Variants in VPS51 observed in about 807,000 individuals in gnomAD.
VPS51 encodes VPS51 subunit of GARP complex, also known as vacuolar protein sorting-associated protein 51 homolog.
In VPS51, 55 loss-of-function variants were observed where a neutral mutation model predicts 65.1. The ratio of observed to expected loss-of-function variants is 0.84; its 90% CI spans 0.68 to 1.06. VPS51 has a LOEUF of 1.06. Ranked by LOEUF, VPS51 falls within the 50% of genes least tolerant of loss-of-function variation. VPS51 has a pLI of 0.00. For synonymous variants in VPS51, 473 were observed against 489.5 expected (o/e 0.97, Z 0.44); for missense variants, 943 against 1,101.6 (o/e 0.86, Z 2.04).
chr11:65,107,951 G>C lies in VPS51; in HGVS notation c.654G>C (p.Ser218=), dbSNP rs370039927. 133 of 1,567,232 alleles carry C rather than the reference G, an allele frequency of 8.5e-5. No homozygotes were observed. The highest frequency in any genetic ancestry group is 5.2e-4 in the Middle Eastern group (3 of 5,782). ...AVLQQYQHLP[S]FRAIQDDCQV... is the part of the protein sequence containing the mutation. Reference sequence around the variant, plus strand: ...TGCAGCAGTACCAACACCTGCCCTCGTTCCGCGCCATCCAGGACGACTGCC... The same window carrying C: ...TGCAGCAGTACCAACACCTGCCCTCCTTCCGCGCCATCCAGGACGACTGCC... The change falls in exon 4 of 10, where the codon TCG becomes TCC. Residue 218 remains serine, a synonymous_variant. Transcript: ENST00000279281. This position sits in a 1 kb window ranked among gnomAD's most constrained non-coding sequence, Gnocchi z 4.0.
intron 2 of VPS51, among the ~76,000 whole-genome samples, chr11:65,104,796 A>G (rs1947830906): frequency 6.6e-6 from 1 of 152,156 alleles, no homozygotes; most frequent in Non-Finnish European, 1.5e-5. Flanking sequence ...CTGCTGGGGC[A>G]GTGTTTACAC....
At chr11:65,103,658 A>G (rs1947823640) in intron 2 of VPS51, among the ~76,000 whole-genome samples, 1 of 152,110 alleles carries the variant, frequency 6.6e-6, no homozygotes, top group Admixed American at 6.6e-5. Flanking sequence ...CAAGTGGGGT[A>G]GATTCCCAGT....
At chr11:65,108,982 G>A (rs1352332579) in intron 5 of VPS51, 68 bp downstream of exon 5, 2 of 1,559,408 alleles carry the variant, frequency 1.3e-6, no homozygotes, top group Non-Finnish European at 1.8e-6. Context: ...TTATGCCAGT[G>A]CTTGGGAAAC....
At chr11:65,106,090 C>T (rs977287730) in intron 2 of VPS51, among the ~76,000 whole-genome samples, 2 of 152,208 alleles carry the variant, frequency 1.3e-5, no homozygotes, top group African/African-American at 2.4e-5. Context: ...TTATCCTCTT[C>T]GCCTTTCTTT....
rs1170349982 is a variant in VPS51, at chr11:65,110,427, GGCT to G, written c.1879-53_1879-51del. ...ACTTAGGGCATCCTCAGCACCGATG[GGCT>G]GGTGGTTTCCCCTGACTCGGGCCTC... On this transcript the variant is annotated intron_variant, in intron 7 of 9. Transcript: ENST00000279281. 6 of 1,612,784 alleles carry G rather than the reference GGCT, an allele frequency of 3.7e-6. No homozygotes were observed. In the African/African-American group the frequency reaches 4.0e-5, roughly 11 times the overall value.
Position 65,097,073 on chromosome 11 carries a change from A to G in VPS51, c.304A>G (p.Ser102Gly). Residue 102 changes from serine to glycine, a missense_variant, in exon 2 of 10, where the codon AGC (serine) becomes GGC (glycine). Ser to Gly is a moderately conservative substitution (Grantham distance 56). This residue lies in a region of VPS51 where 855 missense variants were observed against 953.7 expected (regional missense o/e 0.90). Coordinates refer to ENST00000279281, the MANE Select transcript of VPS51 (RefSeq NM_013265.4). ...DMVRQIRALD[S>G]DMQTLVYENY... The stretch of plus-strand genomic sequence containing the variant: ...GGTGCGGCAGATCCGGGCTCTAGAC[A>G]GCGACATGCAGACCCTGGTCTATGA... 3.7e-6 allele frequency: 6 copies of G among 1,614,018 alleles called. No individual in the cohort carries two copies. Among genetic ancestry groups the G allele is most frequent in the African/African-American group, 2.7e-5 (2 of 75,056 alleles).
rs765807256 is a variant in VPS51 at position 65,096,270 on chromosome 11, C to G, written c.20C>G (p.Ala7Gly). The stretch of plus-strand genomic sequence containing the variant: ...GGAACGATGGCGGCGGCAGCTGCCG[C>G]CGGGCCTAGCCCGGGGTCTGGACCT... MAAAAA[A>G]GPSPGSGPGD... The change falls in exon 1 of 10, where the codon GCC becomes GGC. Residue 7 changes from alanine (A) to glycine (G), a missense_variant. By Grantham distance (60) the Ala-to-Gly change is moderately conservative (BLOSUM62 0). This residue lies in a region of VPS51 where 855 missense variants were observed against 953.7 expected (regional missense o/e 0.90). Coordinates refer to ENST00000279281, the MANE Select transcript of VPS51 (RefSeq NM_013265.4). The G allele has an allele frequency of 6.6e-7, 1 of 1,517,664 alleles. No individual in the cohort carries two copies. Among genetic ancestry groups the G allele is most frequent in the African/African-American group, 1.4e-5 (1 of 70,024 alleles). 94.0% of individuals were successfully genotyped at this position (1,517,664 alleles called of 1,614,324 possible).
In VPS51 at chr11:65,098,768, A is replaced by T. The variant is rs146878323; in HGVS notation, c.358+1641A>T. On this transcript the variant is annotated intron_variant, in intron 2 of 9. Coordinates refer to ENST00000279281, the MANE Select transcript of VPS51 (RefSeq NM_013265.4). ...ATATTTCTCACAGGAATTTAATAAG[A>T]TTACATTTTCCATTTGTTGGAATGT... Among the ~76,000 whole-genome samples, 42 of 152,336 alleles carry T rather than the reference A, an allele frequency of 2.8e-4. No homozygotes were observed. In the East Asian group the frequency reaches 7.9e-3, roughly 29 times the overall value.
Position 65,096,389 on chromosome 11 carries a change from G to A in VPS51, c.139G>A (p.Glu47Lys), listed in dbSNP as rs765753742. 2 of 1,533,090 alleles carry A rather than the reference G, an allele frequency of 1.3e-6. No individual in the cohort carries two copies. Among genetic ancestry groups the A allele is most frequent in the South Asian group, 1.2e-5 (1 of 81,240 alleles). 95.0% of individuals were successfully genotyped at this position (1,533,090 alleles called of 1,614,324 possible). A position where few individuals can be genotyped will look rare whatever the true frequency, so the allele number is the denominator to read the frequency against. ...LKLYYGLSEG[E>K]AAGRPAGPDP... Reference sequence around the variant, plus strand: ...GCTTTACTACGGCCTCTCGGAAGGGGAGGCGGCGGGACGCCCCGCGGGGCC... The same window carrying A: ...GCTTTACTACGGCCTCTCGGAAGGGAAGGCGGCGGGACGCCCCGCGGGGCC... The change falls in exon 1 of 10, where the codon GAG becomes AAG. Residue 47 changes from glutamate (E) to lysine (K), a missense_variant. Transcript: ENST00000279281.
intron 5 of VPS51, 98 bp from the exon 6 acceptor site, chr11:65,109,182 C>T: frequency 7.6e-7 from 1 of 1,321,482 alleles, no homozygotes. Context: ...CTGTCCCTTG[C>T]AGAGGGGGCT....
chr11:65,096,882 G>A, intron 1 of VPS51, 116 bp from the exon 2 acceptor site: 4 of 1,455,676 alleles, frequency 2.7e-6, no homozygotes, highest in Non-Finnish European at 3.7e-6. Flanking sequence ...GCCGGCGGGG[G>A]TTTGCGGGGT....
rs940443049 is a variant in VPS51, at chr11:65,111,476, A to C, written c.2238A>C (p.Glu746Asp). Residue 746 changes from glutamate to aspartate, a missense_variant, in exon 10 of 10, where the codon GAA becomes GAC. Glu to Asp is a conservative substitution (Grantham distance 45). This residue lies in a region of VPS51 where 88 missense variants were observed against 147.8 expected (regional missense o/e 0.60). Coordinates refer to ENST00000279281, the MANE Select transcript of VPS51 (RefSeq NM_013265.4). ...ACCTGTGGCGTTTTGTGGCCGACGA[A>C]GAACTCGTGCACTTGCTGCTGGACG... Reference protein sequence around the residue: ...QLYLWRFVADEELVHLLLDEV... With the variant: ...QLYLWRFVADDELVHLLLDEV... The C allele has an allele frequency of 5.0e-6, 8 of 1,613,874 alleles. No individual in the cohort carries two copies. In the Admixed American group the frequency reaches 8.3e-5, roughly 17 times the overall value.
chr11:65,106,279 C>T (rs1004194769), intron 2 of VPS51, among the ~76,000 whole-genome samples: 1 of 152,130 alleles, frequency 6.6e-6, no homozygotes, highest in Non-Finnish European at 1.5e-5. Flanking sequence ...TAAAGAACTG[C>T]CCGAGACTAG....
At chr11:65,110,055 C>A in intron 7 of VPS51, 132 bp downstream of exon 7, 2 of 1,026,372 alleles carry the variant, frequency 1.9e-6, no homozygotes, top group Non-Finnish European at 2.8e-6. Context: ...GGGCTTCTCA[C>A]GGGGCCAGTT....
At position 65,096,497 on chromosome 11, in the gene VPS51, T is replaced by TG. The variant is rs61505294; in HGVS notation, c.228+26dup. 2.1e-4 allele frequency: 135 copies of TG among 628,780 alleles called. No individual in the cohort carries two copies. The highest frequency in any genetic ancestry group is 1.3e-3 in the East Asian group (29 of 21,558). 39.0% of individuals were successfully genotyped at this position (628,780 alleles called of 1,614,324 possible). A position where few individuals can be genotyped will look rare whatever the true frequency, so the allele number is the denominator to read the frequency against. ...AGACAAGGTGTGTGCGCACGGGGAG[T>TG]GGGGGGGTGCGGGGAGGGGGGAAGG... is the stretch of plus-strand genomic sequence containing the variant. On this transcript the variant is annotated intron_variant, in intron 1 of 9. Coordinates refer to ENST00000279281, the MANE Select transcript of VPS51 (RefSeq NM_013265.4).
At chr11:65,098,130 A>C (rs952848826) in intron 2 of VPS51, among the ~76,000 whole-genome samples, 2 of 152,162 alleles carry the variant, frequency 1.3e-5, no homozygotes, top group Non-Finnish European at 2.9e-5. Flanking sequence ...GCGGTGAGCC[A>C]AGATCACGTC....
At chr11:65,111,193 T>C in intron 9 of VPS51, 134 bp from the exon 10 acceptor site, 1 of 1,349,284 alleles carries the variant, frequency 7.4e-7, no homozygotes, top group East Asian at 2.5e-5. Context: ...CCTCCCTTCT[T>C]ATCTGGCCCC....
Position 65,109,343 on chromosome 11 carries a change from C to T in VPS51, c.1507C>T (p.Gln503Ter). The change falls in exon 6 of 10, where the codon CAG becomes TAG. Residue 503 changes from glutamine to a stop codon, truncating the protein, a stop_gained. Coordinates refer to ENST00000279281, the MANE Select transcript of VPS51 (RefSeq NM_013265.4). LOFTEE classifies it high-confidence loss of function. ...CGTGGGCTTCGTCCACTCTATGTGC[C>T]AGACGGCTCAGAGCTTCTGCGACAG... ...LIVGFVHSMC[Q>*]TAQSFCDSPG... The T allele has an allele frequency of 6.2e-7, 1 of 1,613,618 alleles. No homozygotes were observed. The highest frequency in any genetic ancestry group is 8.5e-7 in the Non-Finnish European group (1 of 1,179,986).
Position 65,107,342 on chromosome 11 carries a change from G to A in VPS51, c.359-239G>A. 1.6e-6 allele frequency: 1 copy of A among 633,086 alleles called. No homozygotes were observed. The highest frequency in any genetic ancestry group is 2.9e-6 in the Non-Finnish European group (1 of 346,758). 39.2% of individuals were successfully genotyped at this position (633,086 alleles called of 1,614,324 possible). On this transcript the variant is annotated intron_variant, in intron 2 of 9. Transcript: ENST00000279281. This position sits in a 1 kb window ranked among gnomAD's most constrained non-coding sequence, Gnocchi z 4.0. The stretch of plus-strand genomic sequence containing the variant: ...CTAATTCTGAGGGCCGGCTCTCCTG[G>A]GCACCAGGGTTAGGGGGTTACGGGG...
Sources: allele counts gnomAD v4.1 joint callset (sites outside exome capture counted in the v4.1 genomes callset), GRCh38; gene constraint gnomAD v4.1.1; regional missense constraint gnomAD v4.1.1; non-coding constraint Gnocchi (gnomAD v3.1); transcripts MANE v1.5; gene names NCBI Gene and HGNC (gene_info 2026-07-23, HGNC 2026-07-21).